Variants in PKNOX1 observed in about 807,000 individuals in gnomAD.
PKNOX1 encodes the protein homeobox protein PKNOX1.
A neutral mutation model predicts 51.9 loss-of-function variants in PKNOX1; 15 were observed. The observed-to-expected ratio is 0.29, with a 90% CI of 0.19 to 0.45. The LOEUF (loss-of-function observed/expected upper bound fraction) is 0.45. PKNOX1 is among the 20% of genes least tolerant of loss of function. PKNOX1 has a pLI of 1.00. For missense variants in PKNOX1, 462 were observed against 547.5 expected (o/e 0.84, Z 1.56); for synonymous variants, 219 against 211.1 (o/e 1.04, Z -0.32).
intron 6 of PKNOX1, 59 bp from the exon 7 acceptor site, chr21:43,018,072 AAG>A: frequency 3.7e-6 from 3 of 803,090 alleles, no homozygotes; most frequent in Non-Finnish European, 4.1e-6. Context: ...AAAAAAAAAG[AAG>A]AATGGTTTAA....
intron 1 of PKNOX1, among the ~76,000 whole-genome samples, chr21:42,977,908 C>G (rs181894114): frequency 6.6e-6 from 1 of 152,030 alleles, no homozygotes; most frequent in Non-Finnish European, 1.5e-5. Context: ...AAAACTTGGG[C>G]CTGGTTCTCG....
At chr21:43,029,726 C>G (rs576494720) in intron 10 of PKNOX1, among the ~76,000 whole-genome samples, 164 bp from the exon 11 acceptor site, 1 of 152,104 alleles carries the variant, frequency 6.6e-6, no homozygotes, top group Non-Finnish European at 1.5e-5. Flanking sequence ...CTACCGCGCC[C>G]GGCCCAGAAA....
rs769783950 is a variant in PKNOX1 at position 43,028,861 on chromosome 21, C to G, written c.1086C>G (p.Leu362=). 6.2e-7 allele frequency: 1 copy of G among 1,614,186 alleles called. No individual in the cohort carries two copies. Among genetic ancestry groups the G allele is most frequent in the Non-Finnish European group, 8.5e-7 (1 of 1,180,034 alleles). ...SGVAQPPPSE[L]TMSEGAVVTI... The stretch of plus-strand genomic sequence containing the variant: ...TCGCACAGCCACCGCCGAGCGAGCT[C>G]ACCATGTCGGAAGGTACAGGTGGCC... Residue 362 remains leucine (L), a synonymous_variant, in exon 10 of 11, where the codon CTC becomes CTG. Transcript: ENST00000291547.
At chr21:42,980,849 G>A (rs2059022202) in intron 1 of PKNOX1, among the ~76,000 whole-genome samples, 1 of 152,172 alleles carries the variant, frequency 6.6e-6, no homozygotes, top group Admixed American at 6.5e-5. Context: ...CTTTGTAATT[G>A]AAGGAGTGCT....
intron 1 of PKNOX1, 123 bp downstream of exon 1, chr21:42,974,787 G>GGCGCTGCCCTCGAGGGCCC (rs2058983265): frequency 6.5e-6 from 1 of 153,708 alleles, no homozygotes; most frequent in Non-Finnish European, 1.4e-5. Flanking sequence ...CTGGAGGGCC[G>GGCGCTGCCCTCGAGGGCCC]GCGCTGCCCT....
At position 42,992,082 on chromosome 21, in the gene PKNOX1, G is replaced by A. The variant is rs139586647; in HGVS notation, c.-56-12244G>A. On this transcript the variant is annotated intron_variant, in intron 1 of 10. Coordinates refer to ENST00000291547, the MANE Select transcript of PKNOX1 (RefSeq NM_004571.5). ...CTTCGGAAGCTGCATTCTGGTCACAGCTGAGCGTCTTTCGTGGTGCTTGCC... is the reference window on the plus strand; with the variant it reads ...CTTCGGAAGCTGCATTCTGGTCACAACTGAGCGTCTTTCGTGGTGCTTGCC... Among the ~76,000 whole-genome samples, 421 of 152,308 alleles carry A rather than the reference G, an allele frequency of 2.8e-3. 2 individuals carry two copies. Among genetic ancestry groups the A allele is most frequent in the African/African-American group, 9.2e-3 (384 of 41,570 alleles).
chr21:42,982,949 AC>A (rs1179763812), intron 1 of PKNOX1, among the ~76,000 whole-genome samples: 3 of 151,612 alleles, frequency 2.0e-5, no homozygotes, highest in Non-Finnish European at 4.4e-5. Flanking sequence ...AGCTGGGATT[AC>A]AGGTGCCCAC....
chr21:43,023,347 T>G (rs531658498), intron 8 of PKNOX1, among the ~76,000 whole-genome samples: 21 of 152,200 alleles, frequency 1.4e-4, no homozygotes, highest in African/African-American at 3.9e-4. Context: ...CTGAGGCCGC[T>G]CCGTCCCCAT....
Position 42,974,726 on chromosome 21 carries a change from C to G in PKNOX1, c.-57+62C>G, listed in dbSNP as rs914872850. On this transcript the variant is annotated intron_variant, in intron 1 of 10. Coordinates refer to ENST00000291547, the MANE Select transcript of PKNOX1 (RefSeq NM_004571.5). ...CCGCTCTCGCCGCCGCCGTCCCTAT[C>G]AATCACACCGGCCCGCGGCCGCCGC... 5.4e-5 allele frequency: 9 copies of G among 165,788 alleles called. No individual in the cohort carries two copies. In the Admixed American group the frequency reaches 5.9e-4, roughly 11 times the overall value. 10.3% of individuals were successfully genotyped at this position (165,788 alleles called of 1,614,324 possible).
chr21:43,008,265 G>A (rs992860695), intron 3 of PKNOX1, among the ~76,000 whole-genome samples: 2 of 152,138 alleles, frequency 1.3e-5, no homozygotes, highest in Non-Finnish European at 2.9e-5. Flanking sequence ...AGGAAGTAGA[G>A]GAGGAGTGAA....
At chr21:43,011,066 CTT>C (rs11347992) in intron 4 of PKNOX1, among the ~76,000 whole-genome samples, 71 of 80,718 alleles carry the variant, frequency 8.8e-4, no homozygotes, top group Admixed American at 1.4e-3. Context: ...ACAGCTCTGT[CTT>C]TTTTTTTTTT....
intron 4 of PKNOX1, 151 bp from the exon 5 acceptor site, chr21:43,012,917 C>G: frequency 1.6e-6 from 1 of 628,944 alleles, no homozygotes. Flanking sequence ...CGGAACAACA[C>G]ATCAGTTTAG....
intron 1 of PKNOX1, among the ~76,000 whole-genome samples, chr21:42,982,400 T>G (rs1461695192): frequency 6.6e-6 from 1 of 152,192 alleles, no homozygotes; most frequent in African/African-American, 2.4e-5. Flanking sequence ...TACATTTTTT[T>G]GCATTAAAAA....
intron 1 of PKNOX1, among the ~76,000 whole-genome samples, chr21:43,001,943 A>G (rs1978776435): frequency 6.7e-6 from 1 of 149,676 alleles, no homozygotes; most frequent in Admixed American, 6.8e-5. Context: ...CCTGGGTGAC[A>G]GAGCAAGACT....
chr21:42,994,993 C>T (rs1978434494), intron 1 of PKNOX1, among the ~76,000 whole-genome samples: 1 of 138,440 alleles, frequency 7.2e-6, no homozygotes, highest in African/African-American at 2.7e-5. Context: ...GCAATCTTGA[C>T]TTACTGCAGC....
At chr21:43,006,862 C>T (rs150334233) in intron 2 of PKNOX1, among the ~76,000 whole-genome samples, 22 of 152,298 alleles carry the variant, frequency 1.4e-4, no homozygotes, top group Non-Finnish European at 2.1e-4. Context: ...TTTACTTTCA[C>T]GAAATTTTGT....
chr21:42,999,717 G>A (rs1031046336), intron 1 of PKNOX1, among the ~76,000 whole-genome samples: 1 of 152,046 alleles, frequency 6.6e-6, no homozygotes, highest in Non-Finnish European at 1.5e-5. Flanking sequence ...CTGACCTCAT[G>A]ATCCTCCTGC....
chr21:42,991,708 T>C (rs1275407148), intron 1 of PKNOX1, among the ~76,000 whole-genome samples: 1 of 147,906 alleles, frequency 6.8e-6, no homozygotes, highest in East Asian at 2.0e-4. Flanking sequence ...CACTCCAGCA[T>C]GGGCGACAGA....
chr21:43,015,826 TTA>T (rs1555861985), intron 5 of PKNOX1, among the ~76,000 whole-genome samples: 1 of 152,182 alleles, frequency 6.6e-6, no homozygotes, highest in African/African-American at 2.4e-5. Context: ...TATTTTTTTT[TTA>T]GTCAGTCTTT....
Sources: gnomAD v4.1 joint callset for allele counts (sites outside exome capture counted in the v4.1 genomes callset) on GRCh38, gnomAD v4.1.1 for gene constraint, MANE v1.5 for transcripts, NCBI Gene and HGNC (gene_info 2026-07-23, HGNC 2026-07-21) for gene names.